The following POLR2F variants were observed in gnomAD, a reference collection of about 807,000 sequenced individuals.
POLR2F encodes RNA polymerase II, I and III subunit F, also known as DNA-directed RNA polymerases I, II, and III subunit RPABC2.
Under a neutral mutation model 22.7 loss-of-function variants are expected in POLR2F, and 12 were observed. The ratio of observed to expected loss-of-function variants is 0.53; its 90% CI spans 0.34 to 0.86. The LOEUF (loss-of-function observed/expected upper bound fraction) is 0.86. POLR2F is among the 40% of genes least tolerant of loss of function. The probability of loss-of-function intolerance (pLI) is 0.02; values close to 1 mark genes in which losing one functional copy is unlikely to be tolerated. For missense variants in POLR2F, 126 were observed against 171.5 expected, an observed-to-expected ratio of 0.73 and a Z score of 1.48; for synonymous variants, 57 against 66.0, an observed-to-expected ratio of 0.86 and a Z score of 0.66.
intron 5 of POLR2F, among the ~76,000 whole-genome samples, chr22:38,037,520 C>G (rs1285201591): frequency 6.6e-6 from 1 of 150,600 alleles, no homozygotes; most frequent in East Asian, 1.9e-4. Context: ...AAGCAGTCCT[C>G]TGCTTTGGTC....
downstream of POLR2F, chr22:37,969,451 A>G (rs1374859701): frequency 8.8e-6 from 3 of 340,104 alleles, no homozygotes; most frequent in Non-Finnish European, 1.3e-5. Context: ...AGGGATGCAC[A>G]CAACCCAGGT....
intron 1 of POLR2F, among the ~76,000 whole-genome samples, chr22:38,023,688 T>A (rs1156457294): frequency 6.6e-6 from 1 of 152,044 alleles, no homozygotes; most frequent in Non-Finnish European, 1.5e-5. Flanking sequence ...TTTTTTTCTT[T>A]TTGGGATGGA....
intron 1 of POLR2F, among the ~76,000 whole-genome samples, chr22:38,001,182 TCA>T (rs1424168085): frequency 6.6e-6 from 1 of 152,168 alleles, no homozygotes; most frequent in Non-Finnish European, 1.5e-5. Flanking sequence ...TCTCTCAGCC[TCA>T]GTTTCCTAAT....
chr22:37,955,839 C>T (rs2145728414), intron 1 of POLR2F, among the ~76,000 whole-genome samples: 1 of 151,764 alleles, frequency 6.6e-6, no homozygotes, highest in African/African-American at 2.4e-5. Context: ...CCCACCACCA[C>T]ACCCGGCTAA....
intron 1 of POLR2F, among the ~76,000 whole-genome samples, chr22:38,000,396 C>G (rs997339427): frequency 7.2e-5 from 11 of 152,204 alleles, no homozygotes; most frequent in Admixed American, 1.3e-4. Context: ...GGTTCTTGCC[C>G]AAACTTGGAT....
At chr22:38,014,122 C>CAAAAAAA (rs918824276) in intron 1 of POLR2F, among the ~76,000 whole-genome samples, 43 of 59,838 alleles carry the variant, frequency 7.2e-4, no homozygotes, top group East Asian at 9.5e-4. Context: ...AACTCTGTCT[C>CAAAAAAA]AAAAAAAAAA....
At chr22:38,023,416 A>G (rs1370315269) in intron 1 of POLR2F, among the ~76,000 whole-genome samples, 3 of 152,006 alleles carry the variant, frequency 2.0e-5, no homozygotes, top group Non-Finnish European at 4.4e-5. Flanking sequence ...ATCAAACTGT[A>G]AGGGACTCGT....
downstream of POLR2F, among the ~76,000 whole-genome samples, chr22:37,970,402 A>C (rs1932010624): frequency 6.8e-6 from 1 of 147,162 alleles, no homozygotes; most frequent in Admixed American, 6.9e-5. Flanking sequence ...GGAGATTGAG[A>C]CCATCCTAGA....
chr22:38,017,272 G>A lies in POLR2F; in HGVS notation c.121-8597G>A, dbSNP rs57082122. On this transcript the variant is annotated intron_variant, in intron 1 of 2. Coordinates refer to the POLR2F transcript ENST00000333418. The surrounding 1 kb of genome is among the most constrained non-coding windows in gnomAD (Gnocchi z 4.1). ...GCCCTTCCTAGTCCTGGGTCTGTGCGTCTGAGCCTCGGGTGGAATAGGGGG... is the reference window on the plus strand; with the variant it reads ...GCCCTTCCTAGTCCTGGGTCTGTGCATCTGAGCCTCGGGTGGAATAGGGGG... Among the ~76,000 whole-genome samples the A allele has an allele frequency of 0.01, 1,549 of 152,300 alleles. 28 individuals carry two copies. The highest frequency in any genetic ancestry group is 0.035 in the African/African-American group (1,453 of 41,554).
At chr22:37,990,162 G>T (rs1932694352) in intron 1 of POLR2F, among the ~76,000 whole-genome samples, 1 of 152,226 alleles carries the variant, frequency 6.6e-6, no homozygotes, top group African/African-American at 2.4e-5. Flanking sequence ...GGAGGCTGGA[G>T]CGGGCAGGAG....
In POLR2F at chr22:37,997,784, G is replaced by T. The variant is rs2084729190; in HGVS notation, c.120+11472G>T. Among the ~76,000 whole-genome samples the T allele has an allele frequency of 6.6e-6, 1 of 152,050 alleles. No homozygotes were observed. ...AGACTGCCCCGGGGCCCTTTCTCTG[G>T]CTGTCCCAGGGACCTCACCTCCTGT... On this transcript the variant is annotated intron_variant, in intron 1 of 2. Transcript: ENST00000333418. This position sits in a 1 kb window ranked among gnomAD's most constrained non-coding sequence, Gnocchi z 4.4.
chr22:37,974,237 G>A (rs768156624), downstream of POLR2F: 5 of 1,529,166 alleles, frequency 3.3e-6, no homozygotes, highest in Middle Eastern at 2.0e-4. The surrounding 1 kb of genome is among the most constrained non-coding windows in gnomAD (Gnocchi z 5.4). Flanking sequence ...GCGCAAGGGG[G>A]AAGCAGGTTA....
At chr22:37,970,025 G>A (rs1179280405), downstream of POLR2F, among the ~76,000 whole-genome samples, 6 of 152,242 alleles carry the variant, frequency 3.9e-5, no homozygotes, top group East Asian at 1.2e-3. Flanking sequence ...TGGGCGTGGT[G>A]GCTCACACCT....
In POLR2F at chr22:37,986,640, C is replaced by T. The variant is rs1932589447; in HGVS notation, c.120+328C>T. 1 of 632,808 alleles carries T rather than the reference C, an allele frequency of 1.6e-6. No individual in the cohort carries two copies. Among genetic ancestry groups the T allele is most frequent in the East Asian group, 3.3e-5 (1 of 29,984 alleles). 39.2% of individuals were successfully genotyped at this position (632,808 alleles called of 1,614,324 possible). A position where few individuals can be genotyped will look rare whatever the true frequency, so the allele number is the denominator to read the frequency against. ...TCCCTTGTCCCCGCACAGACACTGC[C>T]TTCCTCTCAGGGCTGTGCTGGGCTT... On this transcript the variant is annotated intron_variant, in intron 1 of 2. Transcript: ENST00000333418. The surrounding 1 kb of genome is among the most constrained non-coding windows in gnomAD (Gnocchi z 4.7).
intron 1 of POLR2F, among the ~76,000 whole-genome samples, chr22:37,990,088 C>A (rs1411134676): frequency 6.6e-6 from 1 of 152,356 alleles, no homozygotes. Flanking sequence ...TGAGGCCATG[C>A]TCAGCCTCGG....
At chr22:37,964,668 T>C (rs1190031117) in intron 3 of POLR2F, among the ~76,000 whole-genome samples, 4 of 149,548 alleles carry the variant, frequency 2.7e-5, no homozygotes, top group Admixed American at 1.4e-4. Flanking sequence ...GCCTCCTGGG[T>C]TCAAGGAATT....
chr22:38,027,255 C>G (rs2085021636), downstream of POLR2F, among the ~76,000 whole-genome samples: 1 of 152,140 alleles, frequency 6.6e-6, no homozygotes, highest in Admixed American at 6.6e-5. Context: ...TGCTCCCATG[C>G]TGGGTGAGGG....
chr22:37,985,883 G>A (rs1932558247), upstream of POLR2F, among the ~76,000 whole-genome samples: 1 of 151,722 alleles, frequency 6.6e-6, no homozygotes, highest in Admixed American at 6.6e-5. Context: ...CCAGACAATC[G>A]GGCCAGTGTG....
chr22:37,958,961 T>G (rs1931513800), intron 2 of POLR2F, among the ~76,000 whole-genome samples: 1 of 152,212 alleles, frequency 6.6e-6, no homozygotes, highest in South Asian at 2.1e-4. Flanking sequence ...ATGGGAAGAC[T>G]ATTCCTAGCT....
Sources: allele counts gnomAD v4.1 joint callset (sites outside exome capture counted in the v4.1 genomes callset), GRCh38; gene constraint gnomAD v4.1.1; non-coding constraint Gnocchi (gnomAD v3.1); transcripts MANE v1.5; gene names NCBI Gene and HGNC (gene_info 2026-07-23, HGNC 2026-07-21).